The following GALNT17 variants were observed in gnomAD, a reference collection of about 807,000 sequenced individuals.
GALNT17 encodes the protein UDP-GalNAc:polypeptide N-acetylgalactosaminyltransferase-like 3.
In GALNT17, 29 loss-of-function variants were observed where a neutral mutation model predicts 63.7. The ratio of observed to expected loss-of-function variants is 0.46; its 90% CI spans 0.34 to 0.62. The LOEUF (loss-of-function observed/expected upper bound fraction) is 0.62, where lower values mean the gene tolerates loss of function less well. Ranked by LOEUF, GALNT17 falls within the 20% of genes least tolerant of loss-of-function variation. The pLI is 0.01. For synonymous variants in GALNT17, 305 were observed against 318.3 expected (o/e 0.96, Z 0.45); for missense variants, 603 against 799.6 (o/e 0.75, Z 2.97).
rs145469738 is a variant in GALNT17, at chr7:71,670,606, A to G, written c.1404+497A>G. On this transcript the variant is annotated intron_variant, in intron 8 of 10. Transcript: ENST00000333538. The stretch of plus-strand genomic sequence containing the variant: ...TACAAATACCATCAATATGCATTTG[A>G]GAACATTTTGGAAATAATAATACTA... Among the ~76,000 whole-genome samples the G allele has an allele frequency of 1.3e-3, 198 of 152,316 alleles. 1 individual carries two copies. The East Asian group carries it at 0.035, about 27-fold the overall frequency.
intron 1 of GALNT17, among the ~76,000 whole-genome samples, chr7:71,146,164 C>G (rs1429729540): frequency 6.6e-6 from 1 of 152,120 alleles, no homozygotes; most frequent in African/African-American, 2.4e-5. Flanking sequence ...AGTCTCCTCT[C>G]AGCTCCCCAC....
chr7:71,240,081 G>GT (rs1225651008), intron 1 of GALNT17, among the ~76,000 whole-genome samples: 4 of 152,156 alleles, frequency 2.6e-5, no homozygotes, highest in African/African-American at 9.6e-5. Flanking sequence ...CATTTCCCAC[G>GT]TTTTCCCTTA....
intron 9 of GALNT17, among the ~76,000 whole-genome samples, chr7:71,687,699 T>A (rs924469876): frequency 1.3e-5 from 2 of 152,102 alleles, no homozygotes; most frequent in Admixed American, 1.3e-4. Flanking sequence ...AAAACAGAGT[T>A]GGGGGACTGA....
intron 1 of GALNT17, among the ~76,000 whole-genome samples, chr7:71,177,082 G>C (rs1179772146): frequency 6.6e-6 from 1 of 152,140 alleles, no homozygotes; most frequent in Non-Finnish European, 1.5e-5. Context: ...GTTCTCCATG[G>C]AGTGCGCTGT....
intron 5 of GALNT17, among the ~76,000 whole-genome samples, chr7:71,489,250 A>G (rs1336419703): frequency 6.6e-6 from 1 of 152,142 alleles, no homozygotes; most frequent in African/African-American, 2.4e-5. Flanking sequence ...TCTAGGGGCC[A>G]CACTCTAAGA....
chr7:71,682,850 G>A (rs1036790179), intron 9 of GALNT17, among the ~76,000 whole-genome samples: 1 of 152,120 alleles, frequency 6.6e-6, no homozygotes, highest in Non-Finnish European at 1.5e-5. Context: ...CTACAGGTGT[G>A]AGCCCCTGTG....
chr7:71,153,762 C>G (rs1483534774), intron 1 of GALNT17, among the ~76,000 whole-genome samples: 2 of 151,816 alleles, frequency 1.3e-5, no homozygotes, highest in African/African-American at 4.8e-5. Flanking sequence ...ACTAAAAATA[C>G]AAAAATTAGC....
At chr7:71,383,554 T>C (rs915606752) in intron 2 of GALNT17, among the ~76,000 whole-genome samples, 1 of 152,080 alleles carries the variant, frequency 6.6e-6, no homozygotes, top group East Asian at 1.9e-4. Flanking sequence ...TCCTCCCACC[T>C]CAGGCTCCTG....
chr7:71,168,567 A>G (rs995948101), intron 1 of GALNT17, among the ~76,000 whole-genome samples: 2 of 152,022 alleles, frequency 1.3e-5, no homozygotes, highest in Admixed American at 6.6e-5. Flanking sequence ...GTGAGACTCT[A>G]TATCAAAAAA....
chr7:71,477,090 TTACTATGTAAGTTTTAG>T (rs1249313600), intron 5 of GALNT17, among the ~76,000 whole-genome samples: 6 of 152,174 alleles, frequency 3.9e-5, no homozygotes, highest in African/African-American at 1.4e-4. Context: ...ATAGTAAGCA[TTACTATGTAAGTTTTAG>T]TGATACTACT....
At chr7:71,429,393 T>G (rs948765176) in intron 5 of GALNT17, among the ~76,000 whole-genome samples, 3 of 152,114 alleles carry the variant, frequency 2.0e-5, no homozygotes, top group African/African-American at 7.2e-5. Context: ...TTGTTAAGAG[T>G]GAGAGCTGGG....
chr7:71,471,944 A>G (rs1787639260), intron 5 of GALNT17, among the ~76,000 whole-genome samples: 1 of 150,204 alleles, frequency 6.7e-6, no homozygotes, highest in Non-Finnish European at 1.5e-5. Flanking sequence ...TTTTTTTTTA[A>G]TGTAGGTTGT....
At chr7:71,243,346 T>G (rs1790033951) in intron 1 of GALNT17, among the ~76,000 whole-genome samples, 1 of 152,172 alleles carries the variant, frequency 6.6e-6, no homozygotes, top group African/African-American at 2.4e-5. Flanking sequence ...TCTTTATAAA[T>G]TACCCAGTCT....
At chr7:71,531,791 C>T (rs1421312842) in intron 5 of GALNT17, among the ~76,000 whole-genome samples, 1 of 152,056 alleles carries the variant, frequency 6.6e-6, no homozygotes, top group Non-Finnish European at 1.5e-5. Context: ...CAGCGGGGTC[C>T]GGTCAGGAAG....
At chr7:71,208,867 A>G (rs887844672) in intron 1 of GALNT17, among the ~76,000 whole-genome samples, 4 of 152,192 alleles carry the variant, frequency 2.6e-5, no homozygotes, top group Admixed American at 6.5e-5. Context: ...CACTTACAAC[A>G]TTACACTCGG....
At chr7:71,317,959 TG>T (rs1791530411) in intron 1 of GALNT17, among the ~76,000 whole-genome samples, 1 of 152,140 alleles carries the variant, frequency 6.6e-6, no homozygotes, top group African/African-American at 2.4e-5. Context: ...TCTCACCCTG[TG>T]GCCCAGGCTG....
At chr7:71,198,159 T>C (rs775257168) in intron 1 of GALNT17, among the ~76,000 whole-genome samples, 24 of 147,366 alleles carry the variant, frequency 1.6e-4, no homozygotes, top group Non-Finnish European at 2.4e-4. Context: ...GATTGTGACA[T>C]TGCACTCCAG....
At chr7:71,677,152 C>G (rs1791162797) in intron 8 of GALNT17, 59 bp from the exon 9 acceptor site, 1 of 1,558,842 alleles carries the variant, frequency 6.4e-7, no homozygotes, top group Admixed American at 1.7e-5. Flanking sequence ...AACAGTGACT[C>G]GGCATCCACA....
At chr7:71,318,315 C>T (rs182648134) in intron 1 of GALNT17, among the ~76,000 whole-genome samples, 1 of 152,164 alleles carries the variant, frequency 6.6e-6, no homozygotes, top group African/African-American at 2.4e-5. Context: ...ATGTTGGAGA[C>T]ACAGTCATGT....
Sources: allele counts gnomAD v4.1 joint callset (sites outside exome capture counted in the v4.1 genomes callset), GRCh38; gene constraint gnomAD v4.1.1; transcripts MANE v1.5; gene names NCBI Gene and HGNC (gene_info 2026-07-23, HGNC 2026-07-21).